TRAF3: variants seen among roughly 807,000 people sequenced by gnomAD.
TRAF3 encodes the protein TNF receptor-associated factor 3.
A neutral mutation model predicts 62.3 loss-of-function variants in TRAF3; 13 were observed. The ratio of observed to expected loss-of-function variants is 0.21; its 90% CI spans 0.14 to 0.33. TRAF3 has a LOEUF of 0.33. Among genes scored for constraint, TRAF3 ranks in the 10% least tolerant of loss-of-function variants. The pLI is 1.00. For synonymous variants in TRAF3, 269 were observed against 283.4 expected, an observed-to-expected ratio of 0.95 and a Z score of 0.51; for missense variants, 440 against 741.8, an observed-to-expected ratio of 0.59 and a Z score of 4.73.
At chr14:102,839,368 G>A (rs1187383734) in intron 2 of TRAF3, among the ~76,000 whole-genome samples, 4 of 151,932 alleles carry the variant, frequency 2.6e-5, no homozygotes, top group Admixed American at 1.3e-4. Flanking sequence ...ACAGGTGCAC[G>A]CTACCACTTC....
Position 102,903,907 on chromosome 14 carries a change from A to C in TRAF3, c.1135+478A>C, listed in dbSNP as rs1001679262. 39 of 410,646 alleles carry C rather than the reference A, an allele frequency of 9.5e-5. No individual in the cohort carries two copies. Among genetic ancestry groups the C allele is most frequent in the Admixed American group, 4.6e-4 (17 of 36,658 alleles). 25.4% of individuals were successfully genotyped at this position (410,646 alleles called of 1,614,324 possible). ...GACTGAAAGAGTATTGGGAATATTT[A>C]CATGAGGAGGATTAATGGCAGAAAG... is the stretch of plus-strand genomic sequence containing the variant. On this transcript the variant is annotated intron_variant, in intron 11 of 11. Transcript: ENST00000392745. This position sits in a 1 kb window ranked among gnomAD's most constrained non-coding sequence, Gnocchi z 6.4.
chr14:102,820,984 G>T lies in TRAF3; in HGVS notation c.-156-9350G>T, dbSNP rs186636794. ...CATTGCCAAGCCTGCAGGGAAGTCT[G>T]CCCTTTTTTTATTAGAAAATGAAGA... On this transcript the variant is annotated intron_variant, in intron 1 of 11. Coordinates refer to ENST00000392745, the MANE Select transcript of TRAF3 (RefSeq NM_145725.3). Among the ~76,000 whole-genome samples the T allele has an allele frequency of 1.2e-3, 189 of 152,040 alleles. 2 individuals are homozygous for T. The highest frequency in any genetic ancestry group is 6.8e-3 in the Middle Eastern group (2 of 294).
rs1213068824 is a variant in TRAF3 at position 102,897,296 on chromosome 14, C to T, written c.855C>T (p.Asn285=). 1 of 1,613,400 alleles carries T rather than the reference C, an allele frequency of 6.2e-7. No homozygotes were observed. The highest frequency in any genetic ancestry group is 1.7e-5 in the Admixed American group (1 of 59,968). ...SLLQNESVEK[N]KSIQSLHNQI... ...TGCAGAATGAAAGTGTAGAAAAAAA[C>T]AAGAGCATACAAAGTTTGCACAATC... is the stretch of plus-strand genomic sequence containing the variant. Residue 285 remains asparagine, a synonymous_variant, in exon 10 of 12, where the codon AAC becomes AAT. Coordinates refer to ENST00000392745, the MANE Select transcript of TRAF3 (RefSeq NM_145725.3).
Position 102,908,843 on chromosome 14 carries a change from C to T in TRAF3, c.*3059C>T, listed in dbSNP as rs1436391817. On this transcript the variant is annotated 3_prime_UTR_variant, in exon 12 of 12. Coordinates refer to ENST00000392745, the MANE Select transcript of TRAF3 (RefSeq NM_145725.3). ...AGGACACCGTGGCTCGGGCTGCTCCCTGCTGCCAGGCACGCTGGTTGGCTG... is the reference window on the plus strand; with the variant it reads ...AGGACACCGTGGCTCGGGCTGCTCCTTGCTGCCAGGCACGCTGGTTGGCTG... 6.6e-6 allele frequency: 1 copy of T among 152,312 alleles called. No individual in the cohort carries two copies. Among genetic ancestry groups the T allele is most frequent in the Non-Finnish European group, 1.5e-5 (1 of 68,076 alleles). The allele number at this position is 152,312 out of a possible 1,614,324, so 9.4% of individuals were successfully genotyped here. A position where few individuals can be genotyped will look rare whatever the true frequency, so the allele number is the denominator to read the frequency against.
chr14:102,864,216 A>G (rs1469350767), intron 2 of TRAF3, among the ~76,000 whole-genome samples: 1 of 141,066 alleles, frequency 7.1e-6, no homozygotes. Flanking sequence ...TGGCGCCATC[A>G]CGGCTCACTG....
chr14:102,844,650 A>G (rs1886585432), intron 2 of TRAF3, among the ~76,000 whole-genome samples: 1 of 152,174 alleles, frequency 6.6e-6, no homozygotes, highest in South Asian at 2.1e-4. Context: ...AGGTGAACAA[A>G]TATTTGGCTA....
In TRAF3 at chr14:102,811,559, T is replaced by G. The variant is rs908316851; in HGVS notation, c.-156-18775T>G. 1.3e-3 allele frequency among the ~76,000 whole-genome samples: 195 copies of G among 149,320 alleles called. 1 individual carries two copies. The highest frequency in any genetic ancestry group is 4.6e-3 in the African/African-American group (188 of 40,954). The stretch of plus-strand genomic sequence containing the variant: ...GTTTGCGCTGTAGGCGGTTTTTTTT[T>G]TTTTTTTTTTTTTTTGGTTTTTGTT... On this transcript the variant is annotated intron_variant, in intron 1 of 11. Transcript: ENST00000392745.
chr14:102,799,196 C>G (rs1898256238), intron 1 of TRAF3, among the ~76,000 whole-genome samples: 1 of 152,064 alleles, frequency 6.6e-6, no homozygotes, highest in Non-Finnish European at 1.5e-5. Flanking sequence ...CTGTGGAAGT[C>G]CTGCTCAGAG....
chr14:102,889,690 T>G, intron 8 of TRAF3, 56 bp downstream of exon 8: 1 of 1,578,330 alleles, frequency 6.3e-7, no homozygotes, highest in Admixed American at 1.7e-5. Flanking sequence ...TGAGAGAAAG[T>G]TATTATATTA....
chr14:102,793,698 A>G (rs1228148305), intron 1 of TRAF3, among the ~76,000 whole-genome samples: 1 of 152,216 alleles, frequency 6.6e-6, no homozygotes, highest in Non-Finnish European at 1.5e-5. Flanking sequence ...CTGATAGCAC[A>G]CCACCAGTGC....
At chr14:102,889,310 G>A (rs903086067) in intron 7 of TRAF3, among the ~76,000 whole-genome samples, 2 of 152,048 alleles carry the variant, frequency 1.3e-5, no homozygotes, top group Middle Eastern at 3.2e-3. Context: ...TGAACAATTT[G>A]TTCTAAAGAA....
At chr14:102,795,818 A>G (rs752088165) in intron 1 of TRAF3, among the ~76,000 whole-genome samples, 1 of 152,194 alleles carries the variant, frequency 6.6e-6, no homozygotes, top group Non-Finnish European at 1.5e-5. Flanking sequence ...AGAGGCCAAG[A>G]TAAGTCCGAA....
At chr14:102,844,694 T>TTAAA (rs1886587604) in intron 2 of TRAF3, among the ~76,000 whole-genome samples, 1 of 152,138 alleles carries the variant, frequency 6.6e-6, no homozygotes, top group African/African-American at 2.4e-5. Flanking sequence ...AATTGCCAGA[T>TTAAA]GTAAAATTTC....
chr14:102,816,398 C>T (rs1899523723), intron 1 of TRAF3, among the ~76,000 whole-genome samples: 1 of 152,128 alleles, frequency 6.6e-6, no homozygotes, highest in African/African-American at 2.4e-5. Flanking sequence ...CTACCATACA[C>T]CGATTGTACA....
intron 7 of TRAF3, among the ~76,000 whole-genome samples, chr14:102,888,533 T>C (rs1024425627): frequency 2.0e-5 from 3 of 152,184 alleles, no homozygotes; most frequent in African/African-American, 7.2e-5. Flanking sequence ...TTGTAGAACT[T>C]AGCTGCGCCC....
chr14:102,863,013 G>C (rs1887771406), intron 2 of TRAF3, among the ~76,000 whole-genome samples: 1 of 151,988 alleles, frequency 6.6e-6, no homozygotes, highest in Non-Finnish European at 1.5e-5. Context: ...TGTTCTGATG[G>C]ATCTTGTAGA....
In TRAF3 at chr14:102,910,490, G is replaced by A. The variant is rs1456356624; in HGVS notation, c.*4706G>A. ...TAGCCAGGCGAGGTCAGTGTCGGCA[G>A]GCTACCTGGTCATTATTGCTGCCTC... On this transcript the variant is annotated 3_prime_UTR_variant, in exon 12 of 12. Coordinates refer to ENST00000392745, the MANE Select transcript of TRAF3 (RefSeq NM_145725.3). 2 of 152,276 alleles carry A rather than the reference G, an allele frequency of 1.3e-5. No homozygotes were observed. The highest frequency in any genetic ancestry group is 2.9e-5 in the Non-Finnish European group (2 of 68,058). 9.4% of individuals were successfully genotyped at this position (152,276 alleles called of 1,614,324 possible). A position where few individuals can be genotyped will look rare whatever the true frequency, so the allele number is the denominator to read the frequency against.
intron 1 of TRAF3, among the ~76,000 whole-genome samples, chr14:102,823,845 A>G (rs938067414): frequency 6.6e-5 from 10 of 151,926 alleles, no homozygotes; most frequent in Admixed American, 1.3e-4. Flanking sequence ...TGGACATTCT[A>G]TGGAAATGCG....
rs1900300099 is a variant in TRAF3 at position 102,826,203 on chromosome 14, G to T, written c.-156-4131G>T. Among the ~76,000 whole-genome samples, 1 of 152,066 alleles carries T rather than the reference G, an allele frequency of 6.6e-6. No individual in the cohort carries two copies. The highest frequency in any genetic ancestry group is 2.4e-5 in the African/African-American group (1 of 41,392). On this transcript the variant is annotated intron_variant, in intron 1 of 11. Transcript: ENST00000392745. The surrounding 1 kb of genome is among the most constrained non-coding windows in gnomAD (Gnocchi z 4.6). ...TGTGGCTGGAGGAGGCTGGTTCCTG[G>T]GTGTAAATCCTGGCTCTTCTGCTTG... is the stretch of plus-strand genomic sequence containing the variant.
Sources: gnomAD v4.1 joint callset for allele counts (sites outside exome capture counted in the v4.1 genomes callset) on GRCh38, gnomAD v4.1.1 for gene constraint, Gnocchi (gnomAD v3.1) non-coding constraint, MANE v1.5 for transcripts, NCBI Gene and HGNC (gene_info 2026-07-23, HGNC 2026-07-21) for gene names.